POLD3: variants seen among roughly 807,000 people sequenced by gnomAD.
POLD3 encodes the protein DNA polymerase delta subunit 3.
In POLD3, 19 loss-of-function variants were observed where a neutral mutation model predicts 58.2. The ratio of observed to expected loss-of-function variants is 0.33; its 90% confidence interval spans 0.23 to 0.48. The LOEUF is 0.48. Among genes scored for constraint, POLD3 ranks in the 20% least tolerant of loss-of-function variants. POLD3 has a pLI of 0.99. For synonymous variants in POLD3, 172 were observed against 193.5 expected (o/e 0.89, Z 0.92); for missense variants, 504 against 545.5 (o/e 0.92, Z 0.76).
At chr11:74,666,553 GGAGAGAGA>G (rs141160521) in intron 4 of POLD3, among the ~76,000 whole-genome samples, 6 of 149,968 alleles carry the variant, frequency 4.0e-5, no homozygotes, top group African/African-American at 1.2e-4. Flanking sequence ...CCCAGGAAGT[GGAGAGAGA>G]GAGAGAGAGA....
Position 74,640,579 on chromosome 11 carries a change from A to G in POLD3, c.1214A>G (p.Tyr405Cys), listed in dbSNP as rs1028100646. The part of the protein sequence containing the change: ...GEGCIVTEKV[Y>C]ESESCTDSEE... ...ATCCTACCAGTGACTGAAAAAGTCT[A>G]CGAGAGTGAATCCTGCACAGATAGT... Residue 405 changes from tyrosine (Y) to cysteine (C), a missense_variant, in exon 12 of 12, where the codon TAC (tyrosine) becomes TGC (cysteine). Tyr to Cys is a radical substitution (Grantham distance 194). This residue lies in a region of POLD3 where 385 missense variants were observed against 370.5 expected (regional missense o/e 1.04). Transcript: ENST00000263681. 2.2e-5 allele frequency: 34 copies of G among 1,554,486 alleles called. No individual in the cohort carries two copies. The highest frequency in any genetic ancestry group is 4.2e-5 in the African/African-American group (3 of 72,098).
intron 7 of POLD3, among the ~76,000 whole-genome samples, chr11:74,624,741 C>T (rs758735198): frequency 1.8e-4 from 28 of 151,886 alleles, no homozygotes; most frequent in Non-Finnish European, 3.2e-4. Flanking sequence ...GGGTTAAGGA[C>T]TTTGAGGAGT....
chr11:74,642,658 T>G lies in POLD3; in HGVS notation c.*1892T>G. 3.0e-6 allele frequency: 3 copies of G among 984,416 alleles called. No individual in the cohort carries two copies. The highest frequency in any genetic ancestry group is 3.6e-6 in the Non-Finnish European group (3 of 829,018). The allele number at this position is 984,416 out of a possible 1,614,324, so 61.0% of individuals were successfully genotyped here. ...CTTAGTAAGTATTGAGTGGTGTTTTTTTTTTCTTTTTATACAATACCATGT... is the reference window on the plus strand; with the variant it reads ...CTTAGTAAGTATTGAGTGGTGTTTTGTTTTTCTTTTTATACAATACCATGT... On this transcript the variant is annotated 3_prime_UTR_variant, in exon 12 of 12. Coordinates refer to ENST00000263681, the MANE Select transcript of POLD3 (RefSeq NM_006591.3).
intron 8 of POLD3, among the ~76,000 whole-genome samples, chr11:74,626,223 G>C (rs1158359475): frequency 6.6e-6 from 1 of 152,144 alleles, no homozygotes; most frequent in East Asian, 1.9e-4. Context: ...ATTTTAGAGG[G>C]TTAAAGCTCT....
At position 74,640,690 on chromosome 11, in the gene POLD3, G is replaced by T. The variant is rs748505944; in HGVS notation, c.1325G>T (p.Gly442Val). 3 of 1,612,990 alleles carry T rather than the reference G, an allele frequency of 1.9e-6. No homozygotes were observed. The highest frequency in any genetic ancestry group is 1.7e-6 in the Non-Finnish European group (2 of 1,179,558). ...AAAGAACCCAGAGAGGAACGAAAGG[G>T]CCCCAAGAAAGGGACTGCTGCTCTG... ...VKKEPREERK[G>V]PKKGTAALGK... Residue 442 changes from glycine to valine, a missense_variant, in exon 12 of 12, where the codon GGC becomes GTC. Gly to Val is a moderately radical substitution (Grantham distance 109). Transcript: ENST00000263681.
chr11:74,659,305 G>A (rs548568770), intron 4 of POLD3, among the ~76,000 whole-genome samples: 7 of 152,254 alleles, frequency 4.6e-5, no homozygotes, highest in African/African-American at 1.4e-4. Flanking sequence ...CCCTGGGCCT[G>A]ACCTATGAAA....
intron 3 of POLD3, 28 bp from the exon 4 acceptor site, chr11:74,611,471 G>T: frequency 1.4e-6 from 2 of 1,386,244 alleles, no homozygotes; most frequent in Non-Finnish European, 2.0e-6. Context: ...CTTACATTAA[G>T]CACTAATAAA....
At chr11:74,608,465 C>T (rs899342147) in intron 3 of POLD3, among the ~76,000 whole-genome samples, 2 of 152,070 alleles carry the variant, frequency 1.3e-5, no homozygotes, top group Non-Finnish European at 2.9e-5. Context: ...AATTTTCTCT[C>T]ATCAACTAGC....
chr11:74,656,891 A>G (rs1047972599), intron 4 of POLD3, among the ~76,000 whole-genome samples: 2 of 114,272 alleles, frequency 1.8e-5, no homozygotes, highest in South Asian at 3.0e-4. Context: ...AGGTCAATTT[A>G]TAATGTAGTT....
At chr11:74,627,330 GA>G (rs1467346968) in intron 8 of POLD3, among the ~76,000 whole-genome samples, 1 of 152,166 alleles carries the variant, frequency 6.6e-6, no homozygotes, top group Admixed American at 6.5e-5. Context: ...AAGGCCTATA[GA>G]ATAGGGATAT....
intron 4 of POLD3, among the ~76,000 whole-genome samples, chr11:74,651,463 C>T (rs111404690): frequency 1.3e-5 from 2 of 152,124 alleles, no homozygotes; most frequent in Non-Finnish European, 2.9e-5. Flanking sequence ...AGAAACAGAA[C>T]GTGCTCTCAA....
intron 3 of POLD3, among the ~76,000 whole-genome samples, chr11:74,610,407 C>T (rs1034268030): frequency 3.3e-5 from 5 of 152,104 alleles, no homozygotes; most frequent in Non-Finnish European, 7.4e-5. Flanking sequence ...GTCAGGTTTT[C>T]ACCATGTTGA....
At chr11:74,619,768 C>T (rs941801880) in intron 6 of POLD3, among the ~76,000 whole-genome samples, 3 of 152,142 alleles carry the variant, frequency 2.0e-5, no homozygotes, top group Admixed American at 2.0e-4. Flanking sequence ...AAAAGTTTAG[C>T]TATATCCATG....
chr11:74,635,062 G>A (rs149409530), intron 10 of POLD3, among the ~76,000 whole-genome samples: 192 of 152,296 alleles, frequency 1.3e-3, no homozygotes, highest in Admixed American at 6.3e-3. Context: ...CTTAACACAC[G>A]TTTGTTGCTC....
chr11:74,611,687 G>C, intron 4 of POLD3, 149 bp downstream of exon 4: 1 of 598,860 alleles, frequency 1.7e-6, no homozygotes, highest in Non-Finnish European at 3.0e-6. Context: ...TTTAAAGCAT[G>C]TTAAAATATG....
intron 5 of POLD3, among the ~76,000 whole-genome samples, chr11:74,616,669 A>C (rs977371441): frequency 6.6e-6 from 1 of 152,234 alleles, no homozygotes; most frequent in East Asian, 1.9e-4. Flanking sequence ...GTAAATACAG[A>C]GTTTTCTGAT....
chr11:74,636,324 C>G (rs2032750443), intron 11 of POLD3, 49 bp downstream of exon 11: 1 of 1,578,156 alleles, frequency 6.3e-7, no homozygotes, highest in Non-Finnish European at 8.7e-7. Context: ...CTCTTATTAC[C>G]ACAGAGGCAC....
chr11:74,594,202 A>G (rs2031141690), intron 2 of POLD3, 86 bp downstream of exon 2: 1 of 805,174 alleles, frequency 1.2e-6, no homozygotes, highest in African/African-American at 1.7e-5. Context: ...CAGATAGCCT[A>G]CATAGATTAG....
At chr11:74,669,124 G>A (rs1591333682), downstream of POLD3, 8 of 198,374 alleles carry the variant, frequency 4.0e-5, no homozygotes, top group East Asian at 1.3e-3. Context: ...TGTGACGTTG[G>A]GCAGCTGACC....
Sources: allele counts gnomAD v4.1 joint callset (sites outside exome capture counted in the v4.1 genomes callset), GRCh38; gene constraint gnomAD v4.1.1; regional missense constraint gnomAD v4.1.1; transcripts MANE v1.5; gene names NCBI Gene and HGNC (gene_info 2026-07-23, HGNC 2026-07-21).